Variants in COL7A1 observed in about 807,000 individuals in gnomAD.
The protein encoded by COL7A1 is collagen alpha-1(VII) chain.
Under a neutral mutation model 456.2 loss-of-function variants are expected in COL7A1, and 296 were observed. The observed-to-expected ratio is 0.65, with a 90% CI of 0.59 to 0.71. COL7A1 has a LOEUF of 0.71. COL7A1 is among the 30% of genes least tolerant of loss of function. The probability of loss-of-function intolerance (pLI) is 0.00; values close to 1 mark genes in which losing one functional copy is unlikely to be tolerated. For synonymous variants in COL7A1, 1,464 were observed against 1,525.9 expected (o/e 0.96, Z 0.95); for missense variants, 3,441 against 4,017.2 (o/e 0.86, Z 3.88).
chr3:48,581,100 C>A lies in COL7A1; in HGVS notation c.4935+22G>T. The stretch of plus-strand genomic sequence containing the variant: ...TAGTTCAAGGGTAAAGGATCAGAAA[C>A]CACAGTGGGAAGGAGTCTCACCGGA... On this transcript the variant is annotated intron_variant, in intron 53 of 118. Coordinates refer to ENST00000681320, the MANE Select transcript of COL7A1 (RefSeq NM_000094.4). The surrounding 1 kb of genome is among the most constrained non-coding windows in gnomAD (Gnocchi z 5.8). 1 of 1,613,868 alleles carries A rather than the reference C, an allele frequency of 6.2e-7. No homozygotes were observed. The highest frequency in any genetic ancestry group is 8.5e-7 in the Non-Finnish European group (1 of 1,179,930).
chr3:48,585,143 G>A lies in COL7A1; in HGVS notation c.3895-27C>T. On this transcript the variant is annotated intron_variant, in intron 32 of 118. Transcript: ENST00000681320. The surrounding 1 kb of genome is among the most constrained non-coding windows in gnomAD (Gnocchi z 4.5). The stretch of plus-strand genomic sequence containing the variant: ...TGAGGAGGTGAAGAGGTCAGGACAG[G>A]AAGGGACCCTCCCCCAAGGCCCCTG... The A allele has an allele frequency of 6.2e-7, 1 of 1,607,750 alleles. No individual in the cohort carries two copies. Among genetic ancestry groups the A allele is most frequent in the Non-Finnish European group, 8.5e-7 (1 of 1,178,374 alleles).
chr3:48,581,441 T>C lies in COL7A1; in HGVS notation c.4818+7A>G. 1 of 1,613,830 alleles carries C rather than the reference T, an allele frequency of 6.2e-7. No individual in the cohort carries two copies. Among genetic ancestry groups the C allele is most frequent in the Non-Finnish European group, 8.5e-7 (1 of 1,179,964 alleles). ...CCTTGAGGTTGCCCAGGGTAACGGG[T>C]ACTCACTGGGGGTCCTGCTCTGCCA... On this transcript the variant is annotated splice_region_variant and intron_variant, in intron 51 of 118. Transcript: ENST00000681320. The surrounding 1 kb of genome is among the most constrained non-coding windows in gnomAD (Gnocchi z 5.8).
In COL7A1 at chr3:48,593,684, G is replaced by A. The variant is rs745864625; in HGVS notation, c.279C>T (p.Gly93=). Residue 93 remains glycine, a synonymous_variant, in exon 4 of 119, where the codon GGC becomes GGT. Transcript: ENST00000681320. This position sits in a 1 kb window ranked among gnomAD's most constrained non-coding sequence, Gnocchi z 4.4. The part of the protein sequence containing the change: ...QYSDDPRTEF[G]LDALGSGGDV... ...CACCCCCAGAGCCAAGTGCATCCAG[G>A]CCGAACTCTGTCCTGTTGGAGGGTA... 39 of 1,614,094 alleles carry A rather than the reference G, an allele frequency of 2.4e-5. No individual in the cohort carries two copies. The highest frequency in any genetic ancestry group is 3.1e-5 in the Non-Finnish European group (36 of 1,180,032).
In COL7A1 at chr3:48,586,446, A is replaced by G. The variant is rs2107749142; in HGVS notation, c.3436T>C (p.Leu1146=). 1 of 1,613,834 alleles carries G rather than the reference A, an allele frequency of 6.2e-7. No homozygotes were observed. Among genetic ancestry groups the G allele is most frequent in the South Asian group, 1.1e-5 (1 of 91,080 alleles). ...CGGCGCCCAGGAGCATCTGGTGCCAACATGTATCTGTGAGCTGTGACCACG... is the reference window on the plus strand; with the variant it reads ...CGGCGCCCAGGAGCATCTGGTGCCAGCATGTATCTGTGAGCTGTGACCACG... ...TAVVTAHRYM[L]APDAPGRRQH... is the part of the protein sequence containing the mutation. The change falls in exon 27 of 119, where the codon TTG becomes CTG. Residue 1146 remains leucine, a synonymous_variant. Transcript: ENST00000681320. This position sits in a 1 kb window ranked among gnomAD's most constrained non-coding sequence, Gnocchi z 5.1.
chr3:48,595,296 C>CGCT lies in COL7A1; in HGVS notation c.-33_-31dup, dbSNP rs1477663881. 9.7e-6 allele frequency: 7 copies of CGCT among 719,718 alleles called. No homozygotes were observed. The highest frequency in any genetic ancestry group is 2.7e-5 in the East Asian group (1 of 36,536). 44.6% of individuals were successfully genotyped at this position (719,718 alleles called of 1,614,324 possible). ...CGCGTCCGCCCGCTCCCGCCGCCGC[C>CGCT]GCTGCAGTCTCTCGGGCAGAGCAGA... On this transcript the variant is annotated 5_prime_UTR_variant, in exon 1 of 119. Coordinates refer to ENST00000681320, the MANE Select transcript of COL7A1 (RefSeq NM_000094.4).
At position 48,570,109 on chromosome 3, in the gene COL7A1, T is replaced by A; in HGVS notation, c.7485+25A>T. 1 of 1,613,988 alleles carries A rather than the reference T, an allele frequency of 6.2e-7. No individual in the cohort carries two copies. The highest frequency in any genetic ancestry group is 1.1e-5 in the South Asian group (1 of 91,072). On this transcript the variant is annotated intron_variant, in intron 99 of 118. Transcript: ENST00000681320. This position sits in a 1 kb window ranked among gnomAD's most constrained non-coding sequence, Gnocchi z 5.5. ...AGGCAGGGGACTGAAGTCACAGCAC[T>A]GTCACTTTCCCCAGCGGGACCCACC...
In COL7A1 at chr3:48,566,026, C is replaced by A. The variant is rs1210709715; in HGVS notation, c.8407+241G>T. 2.0e-5 allele frequency among the ~76,000 whole-genome samples: 3 copies of A among 152,054 alleles called. No individual in the cohort carries two copies. Among genetic ancestry groups the A allele is most frequent in the Non-Finnish European group, 4.4e-5 (3 of 68,024 alleles). Reference sequence around the variant, plus strand: ...GACCAGCTCTGCTCCCACCATCATCCCACTCCCCACACAGCCAAGCTGGAC... The same window carrying A: ...GACCAGCTCTGCTCCCACCATCATCACACTCCCCACACAGCCAAGCTGGAC... On this transcript the variant is annotated intron_variant, in intron 114 of 118. Transcript: ENST00000681320. This position sits in a 1 kb window ranked among gnomAD's most constrained non-coding sequence, Gnocchi z 5.9.
At position 48,574,566 on chromosome 3, in the gene COL7A1, C is replaced by T. The variant is rs372550217; in HGVS notation, c.6394-16G>A. The T allele has an allele frequency of 1.4e-5, 23 of 1,613,742 alleles. 1 individual carries two copies. Among genetic ancestry groups the T allele is most frequent in the Admixed American group, 1.3e-4 (8 of 59,994 alleles). ...CTGGCACACCCTGAAGGCAGAGTGTCGTGCCCTGAGCCCCCAGTCCCTGCC... is the reference window on the plus strand; with the variant it reads ...CTGGCACACCCTGAAGGCAGAGTGTTGTGCCCTGAGCCCCCAGTCCCTGCC... On this transcript the variant is annotated splice_polypyrimidine_tract_variant and intron_variant, in intron 78 of 118. Transcript: ENST00000681320. The surrounding 1 kb of genome is among the most constrained non-coding windows in gnomAD (Gnocchi z 5.0).
chr3:48,588,082 C>T lies in COL7A1; in HGVS notation c.2711-143G>A, dbSNP rs575966483. On this transcript the variant is annotated intron_variant, in intron 21 of 118. Transcript: ENST00000681320. This position sits in a 1 kb window ranked among gnomAD's most constrained non-coding sequence, Gnocchi z 4.6. ...TCCTCATCCTCACTGACCCTGCCCA[C>T]TTTACGGACCCTGCCAGACTGACCC... 335 of 1,319,148 alleles carry T rather than the reference C, an allele frequency of 2.5e-4. No individual in the cohort carries two copies. Among genetic ancestry groups the T allele is most frequent in the Non-Finnish European group, 3.3e-4 (317 of 958,742 alleles). 81.7% of individuals were successfully genotyped at this position (1,319,148 alleles called of 1,614,324 possible).
rs746532148 is a variant in COL7A1, at chr3:48,564,384, A to G, written c.*22T>C. On this transcript the variant is annotated 3_prime_UTR_variant, in exon 119 of 119. Coordinates refer to ENST00000681320, the MANE Select transcript of COL7A1 (RefSeq NM_000094.4). The surrounding 1 kb of genome is among the most constrained non-coding windows in gnomAD (Gnocchi z 6.0). ...CCCCGACTCCTCCAGGGGATGCTGA[A>G]TCTCAGCTCATTATCTGGGCCTCAG... 5 of 1,613,876 alleles carry G rather than the reference A, an allele frequency of 3.1e-6. No homozygotes were observed. The highest frequency in any genetic ancestry group is 1.1e-5 in the South Asian group (1 of 91,070).
chr3:48,573,536 G>T lies in COL7A1; in HGVS notation c.6595C>A (p.Pro2199Thr), dbSNP rs747000083. ...ACCTTCAGGCCAGAAGGTCCTTGGG[G>T]TCCTGCAGGGCCAGCAAGACCCTAG... is the stretch of plus-strand genomic sequence containing the variant. ...GAPGLAGPAG[P>T]QGPSGLKGEP... The change falls in exon 83 of 119, where the codon CCC becomes ACC. Residue 2199 changes from proline (P) to threonine (T), a missense_variant. Transcript: ENST00000681320. The surrounding 1 kb of genome is among the most constrained non-coding windows in gnomAD (Gnocchi z 5.5). 6.2e-7 allele frequency: 1 copy of T among 1,614,106 alleles called. No individual in the cohort carries two copies. Among genetic ancestry groups the T allele is most frequent in the South Asian group, 1.1e-5 (1 of 91,088 alleles).
Position 48,594,925 on chromosome 3 carries a change from G to A in COL7A1, c.85+150C>T. 2 of 712,112 alleles carry A rather than the reference G, an allele frequency of 2.8e-6. No homozygotes were observed. Among genetic ancestry groups the A allele is most frequent in the Non-Finnish European group, 4.8e-6 (2 of 419,462 alleles). The allele number at this position is 712,112 out of a possible 1,614,324, so 44.1% of individuals were successfully genotyped here. On this transcript the variant is annotated intron_variant, in intron 2 of 118. Transcript: ENST00000681320. This position sits in a 1 kb window ranked among gnomAD's most constrained non-coding sequence, Gnocchi z 5.5. ...AGGGAACCCAGCACCGATCGCGGAG[G>A]GTTCGGGGAGTCCCAGAATTAGGAG...
rs1575480810 is a variant in COL7A1, at chr3:48,588,815, T to G, written c.2441-27A>C. The G allele has an allele frequency of 6.2e-7, 1 of 1,613,352 alleles. No homozygotes were observed. The highest frequency in any genetic ancestry group is 8.5e-7 in the Non-Finnish European group (1 of 1,179,978). On this transcript the variant is annotated intron_variant, in intron 19 of 118. Transcript: ENST00000681320. The surrounding 1 kb of genome is among the most constrained non-coding windows in gnomAD (Gnocchi z 4.6). ...TGGCCAGGTGGGCATACAGCAATGG[T>G]TAGGGGTGAGCAGTCCCAGCCAGGA...
Position 48,588,743 on chromosome 3 carries a change from G to C in COL7A1, c.2486C>G (p.Ala829Gly). 2 of 1,613,908 alleles carry C rather than the reference G, an allele frequency of 1.2e-6. No individual in the cohort carries two copies. The highest frequency in any genetic ancestry group is 1.7e-6 in the Non-Finnish European group (2 of 1,180,046). ...HQILPGNTDS[A>G]EIRGLEGGVS... is the part of the protein sequence containing the mutation. Reference sequence around the variant, plus strand: ...TCCACCTTCGAGACCCCGGATCTCTGCAGAGTCTGTGTTTCCTGGGAGTAT... The same window carrying C: ...TCCACCTTCGAGACCCCGGATCTCTCCAGAGTCTGTGTTTCCTGGGAGTAT... Residue 829 changes from alanine to glycine, a missense_variant, in exon 20 of 119, where the codon GCA becomes GGA. Physicochemically the swap from Ala to Gly is moderately conservative, Grantham distance 60. This residue lies in a region of COL7A1 where 444 missense variants were observed against 427.6 expected (regional missense o/e 1.04). Coordinates refer to ENST00000681320, the MANE Select transcript of COL7A1 (RefSeq NM_000094.4). This position sits in a 1 kb window ranked among gnomAD's most constrained non-coding sequence, Gnocchi z 4.6.
At position 48,588,925 on chromosome 3, in the gene COL7A1, G is replaced by A. The variant is rs150103090; in HGVS notation, c.2385C>T (p.Thr795=). 1 of 1,613,556 alleles carries A rather than the reference G, an allele frequency of 6.2e-7. No homozygotes were observed. The highest frequency in any genetic ancestry group is 1.3e-5 in the African/African-American group (1 of 74,942). The change falls in exon 19 of 119, where the codon ACC becomes ACT. Residue 795 remains threonine, a synonymous_variant. Transcript: ENST00000681320. This position sits in a 1 kb window ranked among gnomAD's most constrained non-coding sequence, Gnocchi z 4.6. The part of the protein sequence containing the change: ...LNASSDVLRI[T]WVGVTGATAY... ...CTGTGGCTCCAGTGACCCCTACCCAGGTGATCCGTAGAACGTCGCTGGAAG... is the reference window on the plus strand; with the variant it reads ...CTGTGGCTCCAGTGACCCCTACCCAAGTGATCCGTAGAACGTCGCTGGAAG...
rs1490249873 is a variant in COL7A1, at chr3:48,594,994, G to T, written c.85+81C>A. ...GGAGTTGGCTGGGTTGTGGGCGGGG[G>T]GTGTTGGGGATGAAGGCCGAGTGGA... is the stretch of plus-strand genomic sequence containing the variant. On this transcript the variant is annotated intron_variant, in intron 2 of 118. Transcript: ENST00000681320. This position sits in a 1 kb window ranked among gnomAD's most constrained non-coding sequence, Gnocchi z 5.5. The T allele has an allele frequency of 8.7e-7, 1 of 1,143,222 alleles. No individual in the cohort carries two copies. Among genetic ancestry groups the T allele is most frequent in the Non-Finnish European group, 1.3e-6 (1 of 791,132 alleles). The allele number at this position is 1,143,222 out of a possible 1,614,324, so 70.8% of individuals were successfully genotyped here. A position where few individuals can be genotyped will look rare whatever the true frequency, so the allele number is the denominator to read the frequency against.
Position 48,580,144 on chromosome 3 carries a change from A to ACTCT in COL7A1, c.5098-88_5098-87insAGAG. The ACTCT allele has an allele frequency of 6.4e-7, 1 of 1,570,396 alleles. No individual in the cohort carries two copies. Reference sequence around the variant, plus strand: ...TGCCCCAGGCTCAACTCTGCCCCCAAGTTCCCCGAAGCACCCCAATGCCAG... The same window carrying ACTCT: ...TGCCCCAGGCTCAACTCTGCCCCCAACTCTGTTCCCCGAAGCACCCCAATGCCAG... On this transcript the variant is annotated intron_variant, in intron 56 of 118. Transcript: ENST00000681320. The surrounding 1 kb of genome is among the most constrained non-coding windows in gnomAD (Gnocchi z 4.5).
chr3:48,589,153 A>G (rs1297844193), intron 18 of COL7A1, among the ~76,000 whole-genome samples, 158 bp from the exon 19 acceptor site: 1 of 152,108 alleles, frequency 6.6e-6, no homozygotes, highest in African/African-American at 2.4e-5. Context: ...TGGGGTGGGC[A>G]GTGTGGGGCC....
rs1270160938 is a variant in COL7A1, at chr3:48,568,428, C to G, written c.7794+71G>C. On this transcript the variant is annotated intron_variant, in intron 105 of 118. Coordinates refer to ENST00000681320, the MANE Select transcript of COL7A1 (RefSeq NM_000094.4). The surrounding 1 kb of genome is among the most constrained non-coding windows in gnomAD (Gnocchi z 5.2). ...CACTATAAGGTCAAAAGCTACCACA[C>G]TGGTGGGACCACCATGGTGACGGGG... 1.4e-5 allele frequency: 20 copies of G among 1,473,640 alleles called. No homozygotes were observed. The highest frequency in any genetic ancestry group is 1.8e-5 in the Non-Finnish European group (19 of 1,072,340). 91.3% of individuals were successfully genotyped at this position (1,473,640 alleles called of 1,614,324 possible).
Sources: allele counts gnomAD v4.1 joint callset (sites outside exome capture counted in the v4.1 genomes callset), GRCh38; gene constraint gnomAD v4.1.1; regional missense constraint gnomAD v4.1.1; non-coding constraint Gnocchi (gnomAD v3.1); transcripts MANE v1.5; gene names NCBI Gene and HGNC (gene_info 2026-07-23, HGNC 2026-07-21).